ZNF723: variants seen among roughly 807,000 people sequenced by gnomAD.
ZNF723 encodes the protein zinc finger protein 723, also known as zinc finger protein 723, pseudogene.
In ZNF723, 5 loss-of-function variants were observed where a neutral mutation model predicts 9.4. That is an observed-to-expected ratio of 0.53 (90% confidence interval 0.28 to 1.12). The LOEUF (loss-of-function observed/expected upper bound fraction) is 1.12, where lower values mean the gene tolerates loss of function less well. Ranked by LOEUF, ZNF723 falls within the 50% of genes most tolerant of loss-of-function variation. ZNF723 has a pLI of 0.10. For missense variants in ZNF723, 450 were observed against 501.5 expected (o/e 0.90, Z 0.98); for synonymous variants, 158 against 168.8 (o/e 0.94, Z 0.49).
At chr19:22,838,276 G>C (rs762422677) in intron 1 of ZNF723, among the ~76,000 whole-genome samples, 1 of 152,076 alleles carries the variant, frequency 6.6e-6, no homozygotes, top group Non-Finnish European at 1.5e-5. Flanking sequence ...ACATGGAGCC[G>C]GGCACGGTGG....
intron 1 of ZNF723, among the ~76,000 whole-genome samples, chr19:22,847,551 A>G (rs897048916): frequency 6.6e-5 from 10 of 152,096 alleles, no homozygotes; most frequent in African/African-American, 2.4e-4. Flanking sequence ...TCTCCATTAC[A>G]AGATCTCCAG....
chr19:22,857,226 A>G lies in ZNF723; in HGVS notation c.335A>G (p.Gln112Arg). Residue 112 changes from glutamine (Q) to arginine (R), a missense_variant, in exon 4 of 4, where the codon CAA becomes CGA. Physicochemically the swap from Gln to Arg is conservative, Grantham distance 43. This residue lies in a region of ZNF723 where 143 missense variants were observed against 101.3 expected (regional missense o/e 1.41). Coordinates refer to ENST00000600766, the MANE Select transcript of ZNF723 (RefSeq NM_001349726.2). ...SYGKYGHDNL[Q>R]LRKGCESVDE... ...GGAAAATATGGACATGACAATTTAC[A>G]ATTAAGAAAAGGCTGTGAAAGTGTG... is the stretch of plus-strand genomic sequence containing the variant. The G allele has an allele frequency of 9.1e-6, 8 of 877,982 alleles. No individual in the cohort carries two copies. Among genetic ancestry groups the G allele is most frequent in the Non-Finnish European group, 1.5e-5 (8 of 526,570 alleles). The allele number at this position is 877,982 out of a possible 1,614,324, so 54.4% of individuals were successfully genotyped here. A position where few individuals can be genotyped will look rare whatever the true frequency, so the allele number is the denominator to read the frequency against.
the ZNF723 span, among the ~76,000 whole-genome samples, chr19:22,820,094 C>T: frequency 1.3e-5 from 2 of 152,006 alleles, no homozygotes; most frequent in Non-Finnish European, 2.9e-5. Flanking sequence ...ATCCAGCCCC[C>T]ACATATTTTT....
chr19:22,847,214 T>A (rs1967325465), intron 1 of ZNF723, among the ~76,000 whole-genome samples: 1 of 151,886 alleles, frequency 6.6e-6, no homozygotes, highest in Non-Finnish European at 1.5e-5. Flanking sequence ...TTGCTGGGAC[T>A]ACAGGTGCCC....
chr19:22,829,984 C>G (rs1159470325), upstream of ZNF723, among the ~76,000 whole-genome samples: 1 of 152,184 alleles, frequency 6.6e-6, no homozygotes, highest in South Asian at 2.1e-4. Context: ...CACAGGGTAT[C>G]TGATTTGCAA....
At chr19:22,827,442 TTTTG>T (rs34989962), upstream of ZNF723, among the ~76,000 whole-genome samples, 22 of 130,384 alleles carry the variant, frequency 1.7e-4, no homozygotes, top group Admixed American at 1.1e-3. Flanking sequence ...TTTTTTGTTT[TTTTG>T]TTTGTTTGTT....
intron 3 of ZNF723, among the ~76,000 whole-genome samples, chr19:22,856,058 C>A (rs1967474170): frequency 6.6e-6 from 1 of 152,094 alleles, no homozygotes; most frequent in South Asian, 2.1e-4. Flanking sequence ...CTCCCAGGTT[C>A]AAGCAATTCT....
intron 1 of ZNF723, among the ~76,000 whole-genome samples, chr19:22,844,352 C>T (rs1280206400): frequency 2.6e-5 from 4 of 152,214 alleles, no homozygotes; most frequent in Non-Finnish European, 5.9e-5. Flanking sequence ...GGTAATTTGT[C>T]TACATTTAGC....
the ZNF723 span, among the ~76,000 whole-genome samples, chr19:22,826,108 A>G: frequency 6.6e-6 from 1 of 152,054 alleles, no homozygotes; most frequent in African/African-American, 2.4e-5. Context: ...CTGAGCATCC[A>G]GGTAATCTGA....
At chr19:22,847,391 C>T (rs1484670792) in intron 1 of ZNF723, among the ~76,000 whole-genome samples, 1 of 151,752 alleles carries the variant, frequency 6.6e-6, no homozygotes, top group Admixed American at 6.6e-5. Context: ...CTTTTATAGT[C>T]CAGAAAAACT....
upstream of ZNF723, chr19:22,832,175 C>T: frequency 2.0e-6 from 1 of 492,170 alleles, no homozygotes; most frequent in Non-Finnish European, 3.4e-6. Flanking sequence ...TTCTGTCACT[C>T]CAGGCCTGAA....
At chr19:22,842,084 A>T (rs1207678045) in intron 1 of ZNF723, among the ~76,000 whole-genome samples, 13 of 152,216 alleles carry the variant, frequency 8.5e-5, no homozygotes. Context: ...TGCTCACTGG[A>T]ACCTCCACCT....
At chr19:22,853,285 T>C (rs1568408324) in intron 3 of ZNF723, among the ~76,000 whole-genome samples, 1 of 152,142 alleles carries the variant, frequency 6.6e-6, no homozygotes, top group Non-Finnish European at 1.5e-5. Flanking sequence ...TTGAAGATTG[T>C]TGAGTATTTT....
intron 1 of ZNF723, among the ~76,000 whole-genome samples, chr19:22,837,099 C>G (rs1334256590): frequency 6.6e-6 from 1 of 151,800 alleles, no homozygotes; most frequent in East Asian, 1.9e-4. Context: ...TCAAGACGAG[C>G]CTGGCCAACA....
chr19:22,829,731 A>G (rs1468434825), upstream of ZNF723, among the ~76,000 whole-genome samples: 2 of 152,082 alleles, frequency 1.3e-5, no homozygotes, highest in African/African-American at 2.4e-5. Flanking sequence ...TTTTTTTGAT[A>G]GGTTTTTTTT....
upstream of ZNF723, among the ~76,000 whole-genome samples, chr19:22,829,729 A>G (rs939728118): frequency 5.5e-5 from 8 of 144,900 alleles, no homozygotes; most frequent in Admixed American, 4.8e-4. Context: ...AATTTTTTTG[A>G]TAGGTTTTTT....
intron 1 of ZNF723, chr19:22,840,407 G>A (rs1303531897): frequency 6.6e-6 from 1 of 151,882 alleles, no homozygotes; most frequent in East Asian, 1.9e-4. Context: ...CTAACCTCAG[G>A]TGATCCACCT....
At chr19:22,834,525 C>T (rs185845101) in intron 1 of ZNF723, among the ~76,000 whole-genome samples, 73 of 151,828 alleles carry the variant, frequency 4.8e-4, no homozygotes, top group African/African-American at 1.5e-3. Flanking sequence ...TGTGAATAAA[C>T]GAAGATACTG....
the ZNF723 span, among the ~76,000 whole-genome samples, chr19:22,827,220 T>C: frequency 6.6e-6 from 1 of 151,730 alleles, no homozygotes; most frequent in Non-Finnish European, 1.5e-5. Flanking sequence ...ACTTACTGGA[T>C]AAACAGAGAA....
Sources: gnomAD v4.1 joint callset for allele counts (sites outside exome capture counted in the v4.1 genomes callset) on GRCh38, gnomAD v4.1.1 for gene constraint, gnomAD v4.1.1 regional missense constraint, MANE v1.5 for transcripts, NCBI Gene and HGNC (gene_info 2026-07-23, HGNC 2026-07-21) for gene names.